The following MACROD2 variants were observed in gnomAD, a reference collection of about 807,000 sequenced individuals.
MACROD2 encodes ADP-ribose glycohydrolase MACROD2.
A neutral mutation model predicts 70.4 loss-of-function variants in MACROD2; 36 were observed. The observed-to-expected ratio is 0.51, with a 90% CI of 0.39 to 0.68. MACROD2 has a LOEUF of 0.68. Among genes scored for constraint, MACROD2 ranks in the 30% least tolerant of loss-of-function variants. The pLI, the probability that MACROD2 is intolerant of heterozygous loss-of-function variation, is 0.00. For missense variants in MACROD2, 496 were observed against 538.4 expected (o/e 0.92, Z 0.78); for synonymous variants, 172 against 178.8 (o/e 0.96, Z 0.30).
At chr20:14,929,936 C>G (rs547471670) in intron 5 of MACROD2, among the ~76,000 whole-genome samples, 2 of 151,868 alleles carry the variant, frequency 1.3e-5, no homozygotes, top group African/African-American at 4.8e-5. Flanking sequence ...CCGACACAGG[C>G]GGATCATGAG....
At chr20:14,532,626 A>G (rs529157910) in intron 4 of MACROD2, among the ~76,000 whole-genome samples, 4 of 152,230 alleles carry the variant, frequency 2.6e-5, no homozygotes, top group Admixed American at 1.3e-4. Context: ...TGAGCAGGTT[A>G]GTTTTCATTA....
At chr20:15,740,810 A>G (rs766744997) in intron 8 of MACROD2, among the ~76,000 whole-genome samples, 10 of 151,932 alleles carry the variant, frequency 6.6e-5, no homozygotes, top group Admixed American at 1.3e-4. Flanking sequence ...CCTCATATCC[A>G]GTAACCAGTT....
chr20:14,379,302 G>A (rs1283210615), intron 3 of MACROD2, among the ~76,000 whole-genome samples: 2 of 152,096 alleles, frequency 1.3e-5, no homozygotes, highest in Non-Finnish European at 2.9e-5. Flanking sequence ...TTTCCCATCT[G>A]TGTTATCAGG....
chr20:14,740,986 C>A (rs1266298471), intron 5 of MACROD2, among the ~76,000 whole-genome samples: 1 of 152,072 alleles, frequency 6.6e-6, no homozygotes, highest in Non-Finnish European at 1.5e-5. Context: ...ATAGTCTAGG[C>A]ATCTTAATAT....
intron 5 of MACROD2, among the ~76,000 whole-genome samples, chr20:15,032,487 A>G (rs980027565): frequency 5.3e-5 from 8 of 152,168 alleles, no homozygotes; most frequent in African/African-American, 1.9e-4. Context: ...TGGGGGATTC[A>G]CGGAGCTGAG....
chr20:14,175,604 A>G (rs2081257175), intron 3 of MACROD2, among the ~76,000 whole-genome samples: 1 of 152,204 alleles, frequency 6.6e-6, no homozygotes, highest in African/African-American at 2.4e-5. Context: ...CCTCTTCACC[A>G]GTGTCAAAGA....
intron 7 of MACROD2, among the ~76,000 whole-genome samples, chr20:15,458,280 A>G (rs2046757449): frequency 6.6e-6 from 1 of 152,172 alleles, no homozygotes; most frequent in Admixed American, 6.6e-5. Flanking sequence ...ACCAACTCAT[A>G]AAAAGGAAAT....
intron 3 of MACROD2, among the ~76,000 whole-genome samples, chr20:14,307,437 T>C (rs2082530497): frequency 6.6e-6 from 1 of 152,192 alleles, no homozygotes; most frequent in African/African-American, 2.4e-5. Flanking sequence ...CTTCATTCAC[T>C]TTTTCTTCAA....
chr20:16,003,348 CTG>C (rs11472125), intron 15 of MACROD2, among the ~76,000 whole-genome samples: 23 of 150,400 alleles, frequency 1.5e-4, no homozygotes, highest in African/African-American at 4.6e-4. Context: ...AGTTTGAACC[CTG>C]TGTGTGTGTG....
rs139170471 is a variant in MACROD2 at position 15,524,715 on chromosome 20, G to A, written c.645+24868G>A. ...CTGTGTAGTGCCTAGGTATAGCCCT[G>A]TACACTTTATCTCTCTGCACTATAC... On this transcript the variant is annotated intron_variant, in intron 8 of 17. Transcript: ENST00000684519. 4.7e-4 allele frequency among the ~76,000 whole-genome samples: 72 copies of A among 152,272 alleles called. No homozygotes were observed. In the East Asian group the frequency reaches 0.012, roughly 25 times the overall value.
At chr20:14,274,393 A>G (rs1333761963) in intron 3 of MACROD2, among the ~76,000 whole-genome samples, 1 of 152,134 alleles carries the variant, frequency 6.6e-6, no homozygotes, top group Non-Finnish European at 1.5e-5. Context: ...AAAGACAAAA[A>G]CCACATGATT....
chr20:15,876,355 T>C (rs993657842), intron 9 of MACROD2, among the ~76,000 whole-genome samples: 2 of 151,962 alleles, frequency 1.3e-5, no homozygotes, highest in African/African-American at 2.4e-5. Flanking sequence ...TGAGTGAGAA[T>C]ATGCAGTGTT....
intron 3 of MACROD2, among the ~76,000 whole-genome samples, chr20:14,434,674 A>G (rs1303451663): frequency 6.6e-6 from 1 of 152,080 alleles, no homozygotes; most frequent in Non-Finnish European, 1.5e-5. Context: ...CAATATACAA[A>G]CATGCTATTG....
At chr20:14,120,829 A>G (rs1389467201) in intron 3 of MACROD2, among the ~76,000 whole-genome samples, 1 of 150,808 alleles carries the variant, frequency 6.6e-6, no homozygotes, top group Admixed American at 6.6e-5. Context: ...CAAACACCAC[A>G]TGTTCTCACT....
At chr20:15,051,752 C>G (rs1182222601) in intron 5 of MACROD2, among the ~76,000 whole-genome samples, 2 of 136,964 alleles carry the variant, frequency 1.5e-5, no homozygotes, top group Admixed American at 1.5e-4. Context: ...TATACCATCT[C>G]TTTTTTTTTT....
At chr20:14,819,929 C>A (rs540990897) in intron 5 of MACROD2, among the ~76,000 whole-genome samples, 11 of 152,102 alleles carry the variant, frequency 7.2e-5, no homozygotes, top group African/African-American at 2.7e-4. Flanking sequence ...AACCTAAAAG[C>A]CCTGGGAAGC....
At chr20:14,579,262 C>T (rs1465149926) in intron 4 of MACROD2, among the ~76,000 whole-genome samples, 7 of 151,326 alleles carry the variant, frequency 4.6e-5, no homozygotes, top group Non-Finnish European at 1.0e-4. Flanking sequence ...CTGCCTCAGC[C>T]TCCCCAGTAG....
chr20:15,210,606 T>C (rs1235786471), intron 5 of MACROD2, among the ~76,000 whole-genome samples: 2 of 150,692 alleles, frequency 1.3e-5, no homozygotes, highest in Non-Finnish European at 3.0e-5. Context: ...GGTTTAGACT[T>C]GTGTCTCTGC....
At position 16,024,498 on chromosome 20, in the gene MACROD2, C is replaced by CACACACACACACACACAG. The variant is rs768534345; in HGVS notation, c.1154-16688_1154-16687insCAGACACACACACACACA. The stretch of plus-strand genomic sequence containing the variant: ...TTCACCCAACCCATGCAGCCATGTT[C>CACACACACACACACACAG]ACACACACACACACAGACACACACA... On this transcript the variant is annotated intron_variant, in intron 15 of 17. Transcript: ENST00000684519. Among the ~76,000 whole-genome samples, 533 of 83,512 alleles carry CACACACACACACACACAG rather than the reference C, an allele frequency of 6.4e-3. 4 individuals are homozygous for CACACACACACACACACAG. The highest frequency in any genetic ancestry group is 0.02 in the African/African-American group (493 of 25,176). 54.8% of individuals were successfully genotyped at this position (83,512 alleles called of 152,430 possible).
Sources: allele counts gnomAD v4.1 joint callset (sites outside exome capture counted in the v4.1 genomes callset), GRCh38; gene constraint gnomAD v4.1.1; transcripts MANE v1.5; gene names NCBI Gene and HGNC (gene_info 2026-07-23, HGNC 2026-07-21).